FHIT: variants seen among roughly 807,000 people sequenced by gnomAD.
FHIT encodes fragile histidine triad diadenosine triphosphatase, also known as bis(5'-adenosyl)-triphosphatase.
A neutral mutation model predicts 17.9 loss-of-function variants in FHIT; 19 were observed. The observed-to-expected ratio is 1.06, with a 90% confidence interval of 0.74 to 1.56. FHIT has a LOEUF of 1.56. Ranked by LOEUF, FHIT falls within the 40% of genes most tolerant of loss-of-function variation. The pLI is 0.00. For missense variants in FHIT, 248 were observed against 189.2 expected, an observed-to-expected ratio of 1.31 and a Z score of -1.82; for synonymous variants, 81 against 69.7, an observed-to-expected ratio of 1.16 and a Z score of -0.81.
chr3:60,399,046 G>C (rs999018594), intron 5 of FHIT, among the ~76,000 whole-genome samples: 1 of 151,974 alleles, frequency 6.6e-6, no homozygotes, highest in African/African-American at 2.4e-5. Context: ...CTATTTTTGG[G>C]CCAGATAATC....
chr3:60,236,119 C>T (rs1704771548), intron 5 of FHIT, among the ~76,000 whole-genome samples: 2 of 151,990 alleles, frequency 1.3e-5, no homozygotes, highest in Admixed American at 6.6e-5. Flanking sequence ...AAGTTGAATG[C>T]AACTTCTTTC....
chr3:59,970,733 C>T (rs771658137), intron 7 of FHIT, among the ~76,000 whole-genome samples: 2 of 151,942 alleles, frequency 1.3e-5, no homozygotes, highest in Non-Finnish European at 2.9e-5. Flanking sequence ...TATTGTTGTT[C>T]TCCGGGACTC....
At chr3:59,843,662 T>G (rs1310703518) in intron 8 of FHIT, among the ~76,000 whole-genome samples, 1 of 152,218 alleles carries the variant, frequency 6.6e-6, no homozygotes, top group East Asian at 1.9e-4. Flanking sequence ...TTCTTTTTAA[T>G]TCTCAATTTT....
chr3:60,154,432 A>G (rs1700595494), intron 5 of FHIT, among the ~76,000 whole-genome samples: 1 of 152,192 alleles, frequency 6.6e-6, no homozygotes, highest in Non-Finnish European at 1.5e-5. Flanking sequence ...TTAAATTACA[A>G]TCAACATATA....
intron 1 of FHIT, among the ~76,000 whole-genome samples, chr3:61,228,391 C>T (rs1168193663): frequency 5.9e-5 from 9 of 152,198 alleles, no homozygotes; most frequent in Non-Finnish European, 1.2e-4. Context: ...CACCTCTCCA[C>T]CCAGTTAAAT....
chr3:61,073,098 A>T (rs2034860589), intron 2 of FHIT, among the ~76,000 whole-genome samples: 1 of 152,154 alleles, frequency 6.6e-6, no homozygotes, highest in African/African-American at 2.4e-5. Flanking sequence ...TAAAAAAAAC[A>T]AAATCTTGAA....
At chr3:59,809,247 A>T (rs1446302859) in intron 8 of FHIT, among the ~76,000 whole-genome samples, 1 of 152,160 alleles carries the variant, frequency 6.6e-6, no homozygotes, top group Non-Finnish European at 1.5e-5. Context: ...TGGGCCCTAA[A>T]TTCCGTGACT....
At chr3:60,455,736 G>C (rs1019478871) in intron 5 of FHIT, among the ~76,000 whole-genome samples, 9 of 152,008 alleles carry the variant, frequency 5.9e-5, no homozygotes, top group Middle Eastern at 3.2e-3. Context: ...AGGATCCTGA[G>C]AATGACTTCC....
intron 5 of FHIT, among the ~76,000 whole-genome samples, chr3:60,169,237 G>A (rs1006414995): frequency 3.3e-5 from 5 of 152,102 alleles, no homozygotes; most frequent in Admixed American, 6.6e-5. Context: ...AGAAACACAC[G>A]AAGAGAAATT....
intron 5 of FHIT, among the ~76,000 whole-genome samples, chr3:60,492,691 G>C (rs1466476048): frequency 6.6e-6 from 1 of 151,888 alleles, no homozygotes; most frequent in East Asian, 1.9e-4. Context: ...ATTTTTAGTA[G>C]AGACGGGGTT....
At chr3:60,881,450 C>A (rs1553757936) in intron 3 of FHIT, among the ~76,000 whole-genome samples, 1 of 152,142 alleles carries the variant, frequency 6.6e-6, no homozygotes, top group Non-Finnish European at 1.5e-5. Context: ...CAGACATTTA[C>A]AGAACATTTC....
At chr3:60,827,674 T>A (rs1460064385) in intron 3 of FHIT, among the ~76,000 whole-genome samples, 2 of 152,198 alleles carry the variant, frequency 1.3e-5, no homozygotes, top group Non-Finnish European at 2.9e-5. Context: ...AAATGAAGTA[T>A]GTGATACTCC....
intron 2 of FHIT, among the ~76,000 whole-genome samples, chr3:61,059,402 A>AAGC (rs1272412781): frequency 6.9e-6 from 1 of 145,050 alleles, no homozygotes; most frequent in African/African-American, 2.6e-5. Flanking sequence ...TTTTGCCAGA[A>AAGC]AGCAGTGAGA....
chr3:60,601,386 C>G (rs1553668732), intron 4 of FHIT, among the ~76,000 whole-genome samples: 2 of 152,108 alleles, frequency 1.3e-5, no homozygotes, highest in Admixed American at 6.5e-5. Context: ...CCACAGATTC[C>G]CCCTGTTAAA....
At chr3:60,743,218 A>G (rs1357948697) in intron 4 of FHIT, among the ~76,000 whole-genome samples, 4 of 152,236 alleles carry the variant, frequency 2.6e-5, no homozygotes, top group Admixed American at 2.6e-4. Flanking sequence ...GAGAATACAC[A>G]GCTTCTAAGG....
chr3:60,274,166 G>A (rs1400355793), intron 5 of FHIT, among the ~76,000 whole-genome samples: 2 of 151,972 alleles, frequency 1.3e-5, no homozygotes, highest in East Asian at 1.9e-4. Flanking sequence ...AGGGTTACAC[G>A]ATTTTATAAT....
intron 1 of FHIT, among the ~76,000 whole-genome samples, chr3:61,209,126 A>T (rs1286949580): frequency 1.3e-5 from 2 of 152,076 alleles, no homozygotes; most frequent in African/African-American, 4.8e-5. Context: ...CTTTCCTTTA[A>T]GAATGTTGAA....
At chr3:60,913,180 C>T (rs1411340746) in intron 3 of FHIT, among the ~76,000 whole-genome samples, 1 of 152,202 alleles carries the variant, frequency 6.6e-6, no homozygotes, top group Non-Finnish European at 1.5e-5. Flanking sequence ...ACGACTTGCC[C>T]AGCCAAGTAC....
intron 1 of FHIT, among the ~76,000 whole-genome samples, chr3:61,207,140 C>G (rs9833913): frequency 0.43 from 65,760 of 151,894 alleles, 14,629 homozygotes; most frequent in East Asian, 0.58. Context: ...TGCATATGTT[C>G]AACCAGCCTT....
Sources: allele counts gnomAD v4.1 joint callset (sites outside exome capture counted in the v4.1 genomes callset), GRCh38; gene constraint gnomAD v4.1.1; transcripts MANE v1.5; gene names NCBI Gene and HGNC (gene_info 2026-07-23, HGNC 2026-07-21).